SOAT1: variants seen among roughly 807,000 people sequenced by gnomAD.
SOAT1 encodes sterol O-acyltransferase 1.
Under a neutral mutation model 69.5 loss-of-function variants are expected in SOAT1, and 55 were observed. That is an observed-to-expected ratio of 0.79 (90% CI 0.64 to 0.99). The LOEUF (loss-of-function observed/expected upper bound fraction) is 0.99. Ranked by LOEUF, SOAT1 falls within the 50% of genes least tolerant of loss-of-function variation. The pLI, the probability that SOAT1 is intolerant of heterozygous loss-of-function variation, is 0.00. For synonymous variants in SOAT1, 231 were observed against 224.7 expected, an observed-to-expected ratio of 1.03 and a Z score of -0.25; for missense variants, 580 against 669.3, an observed-to-expected ratio of 0.87 and a Z score of 1.47.
intron 1 of SOAT1, among the ~76,000 whole-genome samples, chr1:179,297,674 G>A (rs1053063818): frequency 6.8e-6 from 1 of 147,248 alleles, no homozygotes; most frequent in Non-Finnish European, 1.5e-5. Context: ...TAGAGAAAAT[G>A]AGACAGCCAA....
chr1:179,304,650 T>C (rs1329215810), intron 2 of SOAT1, among the ~76,000 whole-genome samples: 1 of 151,954 alleles, frequency 6.6e-6, no homozygotes, highest in Non-Finnish European at 1.5e-5. Context: ...TTCTCTTCCT[T>C]TTTCCTTCCA....
chr1:179,320,506 C>T (rs1474527748), intron 2 of SOAT1, among the ~76,000 whole-genome samples: 2 of 151,590 alleles, frequency 1.3e-5, no homozygotes, highest in Non-Finnish European at 2.9e-5. Flanking sequence ...ATTTTAGGAT[C>T]AGCTTGTCAA....
intron 3 of SOAT1, 95 bp from the exon 4 acceptor site, chr1:179,335,411 G>T: frequency 9.3e-7 from 1 of 1,075,102 alleles, no homozygotes; most frequent in Non-Finnish European, 1.3e-6. Context: ...TCTTTCTTTT[G>T]ATCCAGCTCT....
At chr1:179,344,844 A>G (rs1201126073) in intron 10 of SOAT1, 103 bp from the exon 11 acceptor site, 1 of 1,059,764 alleles carries the variant, frequency 9.4e-7, no homozygotes, top group East Asian at 2.4e-5. Flanking sequence ...ATATGCGAAC[A>G]TTACTGTAAG....
chr1:179,302,814 T>C lies in SOAT1; in HGVS notation c.118+12T>C, dbSNP rs80092740. 2.2e-5 allele frequency: 13 copies of C among 597,114 alleles called. No homozygotes were observed. The highest frequency in any genetic ancestry group is 3.1e-5 in the Non-Finnish European group (13 of 421,376). 37.0% of individuals were successfully genotyped at this position (597,114 alleles called of 1,614,324 possible). A position where few individuals can be genotyped will look rare whatever the true frequency, so the allele number is the denominator to read the frequency against. The stretch of plus-strand genomic sequence containing the variant: ...GACACCTAGTAATGGTGAGGCTTAA[T>C]TTTTTTTTTTTAGGTGAATTAGTGA... On this transcript the variant is annotated intron_variant, in intron 2 of 15. Coordinates refer to ENST00000367619, the MANE Select transcript of SOAT1 (RefSeq NM_003101.6).
Position 179,351,721 on chromosome 1 carries a change from A to ATTTTTTTTTTTTTT in SOAT1, c.1596+262_1596+275dup, listed in dbSNP as rs71901753. 2.4e-4 allele frequency among the ~76,000 whole-genome samples: 26 copies of ATTTTTTTTTTTTTT among 106,438 alleles called. 2 individuals are homozygous for ATTTTTTTTTTTTTT. The highest frequency in any genetic ancestry group is 3.0e-4 in the East Asian group (1 of 3,298). 69.8% of individuals were successfully genotyped at this position (106,438 alleles called of 152,430 possible). A position where few individuals can be genotyped will look rare whatever the true frequency, so the allele number is the denominator to read the frequency against. The stretch of plus-strand genomic sequence containing the variant: ...ACTGCCTTTTCTTCAGCCCCTTCTA[A>ATTTTTTTTTTTTTT]TTTTTTTTTTTTTTTTGAGACAGAG... On this transcript the variant is annotated intron_variant, in intron 15 of 15. Transcript: ENST00000367619.
chr1:179,334,066 C>T (rs760238813), intron 3 of SOAT1, among the ~76,000 whole-genome samples: 59 of 152,266 alleles, frequency 3.9e-4, no homozygotes, highest in Middle Eastern at 3.4e-3. Flanking sequence ...CCTTCATAGT[C>T]GCTGTGATTG....
intron 11 of SOAT1, among the ~76,000 whole-genome samples, chr1:179,346,144 G>C (rs1363549800): frequency 6.6e-6 from 1 of 151,816 alleles, no homozygotes; most frequent in Admixed American, 6.6e-5. Context: ...TCCCTCACCA[G>C]CCCCAGGACT....
intron 3 of SOAT1, among the ~76,000 whole-genome samples, chr1:179,330,470 G>T (rs2152317): frequency 3.2e-4 from 49 of 152,196 alleles, no homozygotes; most frequent in Admixed American, 1.8e-3. Context: ...CTGTGCCTAC[G>T]TTTTAGCAGA....
At position 179,353,700 on chromosome 1, in the gene SOAT1, C is replaced by A; in HGVS notation, c.*59C>A. 1.5e-6 allele frequency: 2 copies of A among 1,353,144 alleles called. No homozygotes were observed. The highest frequency in any genetic ancestry group is 1.4e-5 in the African/African-American group (1 of 69,392). The allele number at this position is 1,353,144 out of a possible 1,614,324, so 83.8% of individuals were successfully genotyped here. ...GATTGGGTAGCTCCCTGATTTGGAG[C>A]CAGCTGTTTCCAGTTGTTACTGAAG... On this transcript the variant is annotated 3_prime_UTR_variant, in exon 16 of 16. Transcript: ENST00000367619.
intron 3 of SOAT1, among the ~76,000 whole-genome samples, chr1:179,335,144 G>T (rs1440980376): frequency 1.3e-5 from 2 of 151,938 alleles, no homozygotes; most frequent in East Asian, 3.9e-4. Flanking sequence ...CGGGAAGATT[G>T]CTTGAGCCCT....
intron 13 of SOAT1, among the ~76,000 whole-genome samples, chr1:179,350,063 A>G (rs1666671087): frequency 6.6e-6 from 1 of 152,244 alleles, no homozygotes; most frequent in African/African-American, 2.4e-5. Flanking sequence ...ACTTACAAAC[A>G]TAAGTTATTG....
At chr1:179,321,198 G>A (rs1311858614) in intron 2 of SOAT1, among the ~76,000 whole-genome samples, 2 of 152,048 alleles carry the variant, frequency 1.3e-5, no homozygotes, top group Admixed American at 6.6e-5. Context: ...GAGCCACCAC[G>A]CCCAGCCATG....
chr1:179,335,827 T>C (rs1050965071), intron 4 of SOAT1, among the ~76,000 whole-genome samples, 170 bp downstream of exon 4: 7 of 152,180 alleles, frequency 4.6e-5, no homozygotes, highest in African/African-American at 1.7e-4. Context: ...GGGATTTCTT[T>C]GTCTTTACAT....
intron 3 of SOAT1, among the ~76,000 whole-genome samples, chr1:179,335,223 G>C (rs1184157273): frequency 2.0e-5 from 3 of 152,006 alleles, no homozygotes; most frequent in Non-Finnish European, 4.4e-5. Context: ...CGGCAGTGGT[G>C]GCGCACACCT....
intron 15 of SOAT1, among the ~76,000 whole-genome samples, chr1:179,352,276 T>C (rs1405839018): frequency 2.0e-5 from 3 of 151,958 alleles, no homozygotes; most frequent in African/African-American, 7.3e-5. Context: ...GAATTTTATT[T>C]TCAAGTAACA....
intron 2 of SOAT1, among the ~76,000 whole-genome samples, chr1:179,318,578 C>T (rs934277703): frequency 2.6e-5 from 4 of 152,136 alleles, no homozygotes; most frequent in Non-Finnish European, 5.9e-5. Context: ...AGCATCACCT[C>T]CCCAAAACCC....
intron 2 of SOAT1, among the ~76,000 whole-genome samples, chr1:179,312,570 A>G (rs369830870): frequency 1.3e-5 from 2 of 152,156 alleles, no homozygotes; most frequent in Non-Finnish European, 2.9e-5. Context: ...TTTCTACGCT[A>G]CTTTGTTTCC....
intron 3 of SOAT1, among the ~76,000 whole-genome samples, chr1:179,330,903 C>T (rs1571434904): frequency 6.6e-6 from 1 of 152,154 alleles, no homozygotes; most frequent in East Asian, 1.9e-4. Flanking sequence ...CCACCTGTAT[C>T]TCATTGGCTA....
Sources: gnomAD v4.1 joint callset for allele counts (sites outside exome capture counted in the v4.1 genomes callset) on GRCh38, gnomAD v4.1.1 for gene constraint, MANE v1.5 for transcripts, NCBI Gene and HGNC (gene_info 2026-07-23, HGNC 2026-07-21) for gene names.